Variants in PSMD13 observed in about 807,000 individuals in gnomAD.
PSMD13 encodes 26S proteasome non-ATPase regulatory subunit 13.
In PSMD13, 8 loss-of-function variants were observed where a neutral mutation model predicts 57.4. The observed-to-expected ratio is 0.14, with a 90% CI of 0.08 to 0.25. PSMD13 has a LOEUF of 0.25. PSMD13 is among the 10% of genes least tolerant of loss of function. The pLI, the probability that PSMD13 is intolerant of heterozygous loss-of-function variation, is 1.00. For missense variants in PSMD13, 400 were observed against 461.5 expected (o/e 0.87, Z 1.22); for synonymous variants, 193 against 168.2 (o/e 1.15, Z -1.14).
At chr11:244,860 A>G (rs944918165) in intron 6 of PSMD13, 99 bp downstream of exon 6, 2 of 968,798 alleles carry the variant, frequency 2.1e-6, no homozygotes, top group East Asian at 2.8e-5. Context: ...TTATTTTAAA[A>G]CATTTTTACA....
At chr11:242,716 A>G (rs1859542560) in intron 2 of PSMD13, among the ~76,000 whole-genome samples, 1 of 152,172 alleles carries the variant, frequency 6.6e-6, no homozygotes, top group Admixed American at 6.5e-5. Context: ...TTTTCCTTTG[A>G]TACAAATTAG....
In PSMD13 at chr11:252,956, C is replaced by G. The variant is rs1801807; in HGVS notation, c.*356C>G. ...TTTTCCGTTGCGGTTTGAGAATGTT[C>G]CTATAATAAACCCCTCTGCTTTGTT... On this transcript the variant is annotated 3_prime_UTR_variant, in exon 13 of 13. Transcript: ENST00000532097. The surrounding 1 kb of genome is among the most constrained non-coding windows in gnomAD (Gnocchi z 4.1). The G allele has an allele frequency of 2.0e-3, 394 of 193,744 alleles. No individual in the cohort carries two copies. Among genetic ancestry groups the G allele is most frequent in the African/African-American group, 8.5e-3 (373 of 43,670 alleles). The allele number at this position is 193,744 out of a possible 1,614,324, so 12.0% of individuals were successfully genotyped here.
In PSMD13 at chr11:251,657, A is replaced by G. The variant is rs780224702; in HGVS notation, c.918+31A>G. ...GTCCCTAGGCTCAGGGTGTTAGAGC[A>G]GCAAAGCTGCCACATGGAGGAGTCA... On this transcript the variant is annotated intron_variant, in intron 11 of 12. Coordinates refer to ENST00000532097, the MANE Select transcript of PSMD13 (RefSeq NM_002817.4). The surrounding 1 kb of genome is among the most constrained non-coding windows in gnomAD (Gnocchi z 4.6). The G allele has an allele frequency of 3.1e-6, 5 of 1,592,564 alleles. No individual in the cohort carries two copies. The African/African-American group carries it at 6.7e-5, about 21-fold the overall frequency.
chr11:237,776 A>C (rs974957543), intron 1 of PSMD13, among the ~76,000 whole-genome samples: 4 of 152,218 alleles, frequency 2.6e-5, no homozygotes, highest in African/African-American at 9.6e-5. Flanking sequence ...AGGTTTGTTT[A>C]GAAACAGGAT....
rs139250939 is a variant in PSMD13 at position 251,481 on chromosome 11, T to G, written c.838-65T>G. The G allele has an allele frequency of 2.9e-4, 405 of 1,379,380 alleles. 5 individuals carry two copies. The African/African-American group carries it at 5.5e-3, about 19-fold the overall frequency. 85.4% of individuals were successfully genotyped at this position (1,379,380 alleles called of 1,614,324 possible). A position where few individuals can be genotyped will look rare whatever the true frequency, so the allele number is the denominator to read the frequency against. On this transcript the variant is annotated intron_variant, in intron 10 of 12. Transcript: ENST00000532097. This position sits in a 1 kb window ranked among gnomAD's most constrained non-coding sequence, Gnocchi z 4.6. ...TTTCAGAGCCAATATTGACAAAACA[T>G]CCTTATCAGTTCTCTATTTTTATTT...
chr11:244,359 C>T, intron 4 of PSMD13, 67 bp from the exon 5 acceptor site: 1 of 1,582,278 alleles, frequency 6.3e-7, no homozygotes, highest in South Asian at 1.1e-5. Context: ...ATTACCCTAC[C>T]TAAGGGTGTC....
At chr11:240,868 A>G (rs7482209) in intron 2 of PSMD13, among the ~76,000 whole-genome samples, 120,221 of 151,716 alleles carry the variant, frequency 0.79, 47,920 homozygotes, top group African/African-American at 0.88. Context: ...TTTCATTCTT[A>G]TCACCCAGGC....
In PSMD13 at chr11:249,855, T is replaced by C. The variant is rs185274298; in HGVS notation, c.774+798T>C. Among the ~76,000 whole-genome samples, 4 of 152,298 alleles carry C rather than the reference T, an allele frequency of 2.6e-5. No individual in the cohort carries two copies. In the East Asian group the frequency reaches 7.7e-4, roughly 29 times the overall value. ...TGTATTTTTCTGAAACTTTCAATTT[T>C]CTCAGTTTAAAATAAACTTGTAAAA... On this transcript the variant is annotated intron_variant, in intron 9 of 12. Coordinates refer to ENST00000532097, the MANE Select transcript of PSMD13 (RefSeq NM_002817.4).
rs1200910959 is a variant in PSMD13 at position 245,675 on chromosome 11, T to TTTGC, written c.396+914_396+915insTTGC. Among the ~76,000 whole-genome samples, 41 of 135,310 alleles carry TTTGC rather than the reference T, an allele frequency of 3.0e-4. 1 individual carries two copies. In the South Asian group the frequency reaches 8.8e-3, roughly 29 times the overall value. The allele number at this position is 135,310 out of a possible 152,430, so 88.8% of individuals were successfully genotyped here. On this transcript the variant is annotated intron_variant, in intron 6 of 12. Coordinates refer to ENST00000532097, the MANE Select transcript of PSMD13 (RefSeq NM_002817.4). The stretch of plus-strand genomic sequence containing the variant: ...GTGTGTGTGTGTGTGTGTGTGTGTG[T>TTTGC]GTGTGTTTGCATGTGTGTTCGTGTG...
chr11:246,689 T>C (rs1020159886), intron 6 of PSMD13, among the ~76,000 whole-genome samples: 2 of 152,180 alleles, frequency 1.3e-5, no homozygotes, highest in African/African-American at 4.8e-5. Context: ...ATGAGTACTC[T>C]GGAAGCTCCA....
At chr11:249,179 T>C in intron 9 of PSMD13, 122 bp downstream of exon 9, 6 of 1,375,052 alleles carry the variant, frequency 4.4e-6, no homozygotes, top group Non-Finnish European at 6.0e-6. Flanking sequence ...GAGACCAAGA[T>C]AGGCTAGTCC....
chr11:248,700 TTA>T, intron 7 of PSMD13, 74 bp from the exon 8 acceptor site: 1 of 1,386,250 alleles, frequency 7.2e-7, no homozygotes, highest in South Asian at 1.2e-5. Flanking sequence ...TTACTTTTTG[TTA>T]TATGAGATTT....
intron 5 of PSMD13, 29 bp from the exon 6 acceptor site, chr11:244,646 G>C: frequency 6.3e-7 from 1 of 1,594,048 alleles, no homozygotes; most frequent in Non-Finnish European, 8.6e-7. Flanking sequence ...ACATTCTGAG[G>C]TTTCTTGTTT....
intron 7 of PSMD13, 99 bp downstream of exon 7, chr11:247,547 T>C: frequency 5.8e-6 from 8 of 1,385,768 alleles, no homozygotes; most frequent in South Asian, 5.5e-5. Context: ...ATTACTAAGG[T>C]GGGGCTGGGC....
In PSMD13 at chr11:239,664, C is replaced by G. The variant is rs147527366; in HGVS notation, c.174+588C>G. Reference sequence around the variant, plus strand: ...AGAGTCCTGTATAGTGTCATGCTGCCTCTGTAATAGAGGACTTTTAGAATT... The same window carrying G: ...AGAGTCCTGTATAGTGTCATGCTGCGTCTGTAATAGAGGACTTTTAGAATT... On this transcript the variant is annotated intron_variant, in intron 2 of 12. Coordinates refer to ENST00000532097, the MANE Select transcript of PSMD13 (RefSeq NM_002817.4). Among the ~76,000 whole-genome samples, 214 of 152,226 alleles carry G rather than the reference C, an allele frequency of 1.4e-3. 2 individuals carry two copies. Among genetic ancestry groups the G allele is most frequent in the African/African-American group, 5.0e-3 (208 of 41,514 alleles).
Position 250,912 on chromosome 11 carries a change from G to C in PSMD13, c.837+47G>C, listed in dbSNP as rs748825034. 5.1e-6 allele frequency: 8 copies of C among 1,554,246 alleles called. No individual in the cohort carries two copies. The East Asian group carries it at 1.8e-4, about 35-fold the overall frequency. ...ACTTTGTCTGTGGTTTCAGATTTTG[G>C]TCAGGTGGGGGCGCTGCACTCTCCA... On this transcript the variant is annotated intron_variant, in intron 10 of 12. Coordinates refer to ENST00000532097, the MANE Select transcript of PSMD13 (RefSeq NM_002817.4).
rs1564819814 is a variant in PSMD13 at position 238,989 on chromosome 11, G to A, written c.96-9G>A. On this transcript the variant is annotated splice_polypyrimidine_tract_variant and intron_variant, in intron 1 of 12. Transcript: ENST00000532097. Reference sequence around the variant, plus strand: ...AGGTTAGAGGTCTTAAGGGCTGTATGTTTTTCAGGTTGTGGCATCAGCTGA... The same window carrying A: ...AGGTTAGAGGTCTTAAGGGCTGTATATTTTTCAGGTTGTGGCATCAGCTGA... The A allele has an allele frequency of 6.2e-7, 1 of 1,613,826 alleles. No individual in the cohort carries two copies. The highest frequency in any genetic ancestry group is 1.7e-5 in the Admixed American group (1 of 60,018).
At chr11:249,377 AGTGAAGAGGTAC>A (rs1393450482) in intron 9 of PSMD13, among the ~76,000 whole-genome samples, 1 of 152,080 alleles carries the variant, frequency 6.6e-6, no homozygotes, top group Non-Finnish European at 1.5e-5. Flanking sequence ...CTTAGGAATG[AGTGAAGAGGTAC>A]GGGAAGAGTG....
At chr11:237,886 C>G (rs1355579899) in intron 1 of PSMD13, among the ~76,000 whole-genome samples, 1 of 152,228 alleles carries the variant, frequency 6.6e-6, no homozygotes, top group East Asian at 1.9e-4. Context: ...ATAGAAAATA[C>G]ATCTCCTGTA....
Sources: gnomAD v4.1 joint callset for allele counts (sites outside exome capture counted in the v4.1 genomes callset) on GRCh38, gnomAD v4.1.1 for gene constraint, Gnocchi (gnomAD v3.1) non-coding constraint, MANE v1.5 for transcripts, NCBI Gene and HGNC (gene_info 2026-07-23, HGNC 2026-07-21) for gene names.